CDK8: variants seen among roughly 807,000 people sequenced by gnomAD.
CDK8 encodes cyclin dependent kinase 8.
In CDK8, 29 loss-of-function variants were observed where a neutral mutation model predicts 71.5. The ratio of observed to expected loss-of-function variants is 0.41; its 90% CI spans 0.30 to 0.55. The LOEUF (loss-of-function observed/expected upper bound fraction) is 0.55, where lower values mean the gene tolerates loss of function less well. Ranked by LOEUF, CDK8 falls within the 20% of genes least tolerant of loss-of-function variation. The pLI is 0.37. For missense variants in CDK8, 288 were observed against 572.6 expected (o/e 0.50, Z 5.07); for synonymous variants, 161 against 192.1 (o/e 0.84, Z 1.34).
intron 3 of CDK8, among the ~76,000 whole-genome samples, chr13:26,350,613 G>A (rs1361291074): frequency 2.0e-5 from 3 of 152,136 alleles, no homozygotes; most frequent in Non-Finnish European, 2.9e-5. Flanking sequence ...TGTATTTTTA[G>A]TAGAGACAGG....
rs755356317 is a variant in CDK8, at chr13:26,275,688, C to T, written c.128+20919C>T. On this transcript the variant is annotated intron_variant, in intron 1 of 12. Transcript: ENST00000381527. ...AAGTAGAGACGGTTCAATAAATCCT[C>T]ATTAACCCACCATGTATCTCAAATA... 1.9e-4 allele frequency among the ~76,000 whole-genome samples: 29 copies of T among 152,194 alleles called. 2 individuals carry two copies. The highest frequency in any genetic ancestry group is 6.5e-5 in the Admixed American group (1 of 15,272).
chr13:26,349,046 G>A (rs1413059403), intron 2 of CDK8, 26 bp from the exon 3 acceptor site: 15 of 1,277,174 alleles, frequency 1.2e-5, no homozygotes, highest in Non-Finnish European at 1.7e-5. Flanking sequence ...GACAGAAATA[G>A]TTAATGCATC....
chr13:26,355,886 T>A (rs1395715192), intron 4 of CDK8, among the ~76,000 whole-genome samples: 3 of 152,174 alleles, frequency 2.0e-5, no homozygotes. Context: ...AATACATATG[T>A]ATATTAGGTA....
At chr13:26,359,093 G>T in intron 4 of CDK8, 1 of 242,710 alleles carries the variant, frequency 4.1e-6, no homozygotes, top group South Asian at 4.4e-5. Context: ...TGAACCTTGA[G>T]GACATTATAC....
In CDK8 at chr13:26,291,465, G is replaced by T. The variant is rs141529034; in HGVS notation, c.128+36696G>T. On this transcript the variant is annotated intron_variant, in intron 1 of 12. Transcript: ENST00000381527. Reference sequence around the variant, plus strand: ...GCCATATGAATGAGAATTTGAATAGGAACAATAAAATGCCAACTGTTCAGA... The same window carrying T: ...GCCATATGAATGAGAATTTGAATAGTAACAATAAAATGCCAACTGTTCAGA... Among the ~76,000 whole-genome samples the T allele has an allele frequency of 5.9e-3, 901 of 152,130 alleles. 10 individuals carry two copies. The highest frequency in any genetic ancestry group is 0.021 in the African/African-American group (853 of 41,496).
intron 4 of CDK8, among the ~76,000 whole-genome samples, chr13:26,355,055 C>T (rs1466906994): frequency 6.6e-6 from 1 of 152,178 alleles, no homozygotes; most frequent in Non-Finnish European, 1.5e-5. Context: ...AGGCGGAGCC[C>T]ATCTGGTCTC....
At chr13:26,342,274 A>T (rs1873274882) in intron 2 of CDK8, among the ~76,000 whole-genome samples, 1 of 152,196 alleles carries the variant, frequency 6.6e-6, no homozygotes, top group African/African-American at 2.4e-5. Context: ...TACAGTATTA[A>T]AAACTAGGAT....
At chr13:26,392,101 A>G (rs1448185143) in intron 6 of CDK8, among the ~76,000 whole-genome samples, 1 of 152,190 alleles carries the variant, frequency 6.6e-6, no homozygotes, top group African/African-American at 2.4e-5. Flanking sequence ...TATGCACACC[A>G]TTGTACTTAG....
At chr13:26,379,461 T>C (rs573631479) in intron 4 of CDK8, among the ~76,000 whole-genome samples, 2 of 152,172 alleles carry the variant, frequency 1.3e-5, no homozygotes, top group African/African-American at 2.4e-5. Context: ...ACCAGTTCAG[T>C]AAGTCTAGAA....
intron 6 of CDK8, among the ~76,000 whole-genome samples, chr13:26,386,727 A>G (rs1255191842): frequency 1.3e-5 from 2 of 152,304 alleles, no homozygotes; most frequent in Non-Finnish European, 2.9e-5. Flanking sequence ...AGGGTTTACA[A>G]TTCTAGGTAC....
chr13:26,346,874 G>GC (rs1873481038), intron 2 of CDK8, among the ~76,000 whole-genome samples: 1 of 152,116 alleles, frequency 6.6e-6, no homozygotes, highest in Admixed American at 6.5e-5. Flanking sequence ...TTACTTCAAA[G>GC]CCCCCAATAT....
chr13:26,255,554 A>G (rs1443408221), intron 1 of CDK8, among the ~76,000 whole-genome samples: 4 of 152,218 alleles, frequency 2.6e-5, no homozygotes, highest in Non-Finnish European at 5.9e-5. Context: ...TAGTTTCTTA[A>G]CAGGCAAGTG....
chr13:26,352,456 T>G (rs1000360250), intron 3 of CDK8, among the ~76,000 whole-genome samples: 5 of 152,200 alleles, frequency 3.3e-5, no homozygotes, highest in African/African-American at 1.2e-4. Flanking sequence ...GACCTCGTGA[T>G]CCACCCGCCT....
chr13:26,264,810 T>C (rs1271919178), intron 1 of CDK8, among the ~76,000 whole-genome samples: 1 of 152,232 alleles, frequency 6.6e-6, no homozygotes, highest in African/African-American at 2.4e-5. Flanking sequence ...CTCCCATGTA[T>C]GAATGAGAAC....
chr13:26,332,893 A>G (rs1276949473), intron 1 of CDK8, among the ~76,000 whole-genome samples: 1 of 152,174 alleles, frequency 6.6e-6, no homozygotes, highest in Non-Finnish European at 1.5e-5. Flanking sequence ...TAGTGCTTAG[A>G]ACACTATTTG....
chr13:26,397,282 A>C lies in CDK8; in HGVS notation c.933+57A>C, dbSNP rs1876040862. On this transcript the variant is annotated intron_variant, in intron 9 of 12. Transcript: ENST00000381527. ...CATTTTTTCCTTAATTGACTAGCCC[A>C]ACTGAGGCTTTTTTGGATCAATTTA... 8.4e-6 allele frequency: 9 copies of C among 1,076,974 alleles called. 1 individual carries two copies. The highest frequency in any genetic ancestry group is 1.3e-5 in the Non-Finnish European group (9 of 711,038). 66.7% of individuals were successfully genotyped at this position (1,076,974 alleles called of 1,614,324 possible).
intron 1 of CDK8, among the ~76,000 whole-genome samples, chr13:26,302,016 G>A (rs1439424621): frequency 6.6e-6 from 1 of 152,204 alleles, no homozygotes; most frequent in East Asian, 1.9e-4. Context: ...AGGCAAGAGT[G>A]CGGACCCATC....
At chr13:26,339,756 A>ATATAT (rs57119146) in intron 2 of CDK8, among the ~76,000 whole-genome samples, 2,068 of 142,964 alleles carry the variant, frequency 0.014, 63 homozygotes, top group African/African-American at 0.048. Flanking sequence ...TTAAAAAAAA[A>ATATAT]ATATATATAT....
chr13:26,376,055 A>C (rs1226793741), intron 4 of CDK8, among the ~76,000 whole-genome samples: 1 of 152,198 alleles, frequency 6.6e-6, no homozygotes, highest in African/African-American at 2.4e-5. Flanking sequence ...GTAATACACA[A>C]ACATCTAGAT....
Sources: allele counts gnomAD v4.1 joint callset (sites outside exome capture counted in the v4.1 genomes callset), GRCh38; gene constraint gnomAD v4.1.1; transcripts MANE v1.5; gene names NCBI Gene and HGNC (gene_info 2026-07-23, HGNC 2026-07-21).